Variants in C1orf105 observed in about 807,000 individuals in gnomAD.
C1orf105 encodes the protein uncharacterized protein C1orf105.
C1orf105 carries 17 observed loss-of-function variants against 20.8 expected under a neutral mutation model. The ratio of observed to expected loss-of-function variants is 0.82; its 90% CI spans 0.56 to 1.23. The LOEUF (loss-of-function observed/expected upper bound fraction) is 1.23. Among genes scored for constraint, C1orf105 ranks in the 50% most tolerant of loss-of-function variants. C1orf105 has a pLI of 0.00. For synonymous variants in C1orf105, 72 were observed against 72.1 expected (o/e 1.00, Z 0.01); for missense variants, 219 against 213.5 (o/e 1.03, Z -0.16).
intron 1 of C1orf105, among the ~76,000 whole-genome samples, chr1:172,444,573 A>C (rs1647758386): frequency 6.6e-6 from 1 of 152,190 alleles, no homozygotes; most frequent in Non-Finnish European, 1.5e-5. Flanking sequence ...AAGAGGACAA[A>C]TCTAAGGCTC....
chr1:172,429,880 TTTAATCC>T (rs2071823155), intron 1 of C1orf105, among the ~76,000 whole-genome samples: 1 of 152,196 alleles, frequency 6.6e-6, no homozygotes, highest in Admixed American at 6.5e-5. Flanking sequence ...CCATACCAAC[TTTAATCC>T]TTAATCCTTG....
intron 1 of C1orf105, among the ~76,000 whole-genome samples, chr1:172,432,970 T>C (rs1216795058): frequency 2.6e-5 from 4 of 152,194 alleles, no homozygotes; most frequent in African/African-American, 9.7e-5. Flanking sequence ...ATGTGATGCA[T>C]ACACAAGCTT....
intron 1 of C1orf105, among the ~76,000 whole-genome samples, chr1:172,422,079 C>A (rs1158867916): frequency 6.6e-6 from 1 of 152,028 alleles, no homozygotes; most frequent in African/African-American, 2.4e-5. Flanking sequence ...AATACCCAGG[C>A]AAGTCCTAGT....
chr1:172,440,546 T>C (rs1270458339), intron 1 of C1orf105, among the ~76,000 whole-genome samples: 1 of 152,200 alleles, frequency 6.6e-6, no homozygotes, highest in Non-Finnish European at 1.5e-5. Flanking sequence ...ATTTCCGCCT[T>C]AGACAAACTG....
At chr1:172,442,030 T>A in intron 1 of C1orf105, 1 of 1,614,212 alleles carries the variant, frequency 6.2e-7, no homozygotes, top group Non-Finnish European at 8.5e-7. Flanking sequence ...GATGAAGGCA[T>A]GCAGGGACCG....
At chr1:172,465,540 C>A in intron 6 of C1orf105, 177 bp downstream of exon 6, 1 of 684,536 alleles carries the variant, frequency 1.5e-6, no homozygotes, top group Non-Finnish European at 2.7e-6. Context: ...GCCCTTCTTT[C>A]ACTCCAGCAC....
chr1:172,465,508 G>C, intron 6 of C1orf105, 145 bp downstream of exon 6: 1 of 729,080 alleles, frequency 1.4e-6, no homozygotes, highest in East Asian at 2.7e-5. Flanking sequence ...ATTGTCTTTT[G>C]ACCTGCTGGA....
At chr1:172,440,166 T>A (rs904228417) in intron 1 of C1orf105, among the ~76,000 whole-genome samples, 1 of 152,240 alleles carries the variant, frequency 6.6e-6, no homozygotes, top group Admixed American at 6.5e-5. Context: ...CATTATATTT[T>A]GGAATATGAC....
At chr1:172,451,331 A>G (rs2149180043) in intron 3 of C1orf105, among the ~76,000 whole-genome samples, 2 of 152,286 alleles carry the variant, frequency 1.3e-5, no homozygotes, top group South Asian at 2.1e-4. Flanking sequence ...AGATAAGAAC[A>G]CTATTTATTT....
Position 172,456,419 on chromosome 1 carries a change from G to A in C1orf105, c.203G>A (p.Arg68Lys). The stretch of plus-strand genomic sequence containing the variant: ...TCTGTCTCTCTTTCCCCTCAGGCCA[G>A]GAGGAACCAGTGTGACTCCATGCTG... ...FQVPDVLSKARRNQCDSMLLR... is the reference protein window; with the variant it reads ...FQVPDVLSKAKRNQCDSMLLR... The change falls in exon 4 of 7, where the codon AGG (arginine) becomes AAG (lysine). Residue 68 changes from arginine (R) to lysine (K), a missense_variant. Coordinates refer to ENST00000367727, the MANE Select transcript of C1orf105 (RefSeq NM_139240.4). 3.1e-6 allele frequency: 5 copies of A among 1,612,890 alleles called. No homozygotes were observed. Among genetic ancestry groups the A allele is most frequent in the Non-Finnish European group, 4.2e-6 (5 of 1,179,918 alleles).
intron 3 of C1orf105, chr1:172,453,014 A>G (rs914049383): frequency 2.9e-5 from 45 of 1,550,234 alleles, no homozygotes; most frequent in Middle Eastern, 1.7e-4. Flanking sequence ...GAAAGAAAGC[A>G]AGACAGAATG....
chr1:172,437,724 A>G lies in C1orf105; in HGVS notation c.22-7349A>G, dbSNP rs1050758626. Reference sequence around the variant, plus strand: ...ATTGTGCACATGTACCCTAGAACTTAAAGTATAATAATAATAATAATAATA... The same window carrying G: ...ATTGTGCACATGTACCCTAGAACTTGAAGTATAATAATAATAATAATAATA... On this transcript the variant is annotated intron_variant, in intron 1 of 6. Coordinates refer to ENST00000367727, the MANE Select transcript of C1orf105 (RefSeq NM_139240.4). Among the ~76,000 whole-genome samples the G allele has an allele frequency of 3.9e-4, 42 of 108,246 alleles. No individual in the cohort carries two copies. In the East Asian group the frequency reaches 0.011, roughly 29 times the overall value. The allele number at this position is 108,246 out of a possible 152,430, so 71.0% of individuals were successfully genotyped here.
At chr1:172,421,573 G>T (rs943939266) in intron 1 of C1orf105, among the ~76,000 whole-genome samples, 2 of 152,116 alleles carry the variant, frequency 1.3e-5, no homozygotes, top group South Asian at 2.1e-4. Flanking sequence ...ATCCTAAGTT[G>T]GGGAGGACGC....
In C1orf105 at chr1:172,468,785, T is replaced by G. The variant is rs1318745974; in HGVS notation, c.*191T>G. On this transcript the variant is annotated 3_prime_UTR_variant, in exon 7 of 7. Transcript: ENST00000367727. The stretch of plus-strand genomic sequence containing the variant: ...TTTCTCACGTCTCCTAAAGACAAAA[T>G]TGTTTAATTTACATGATTATAAAGA... 4 of 480,422 alleles carry G rather than the reference T, an allele frequency of 8.3e-6. No individual in the cohort carries two copies. Among genetic ancestry groups the G allele is most frequent in the Non-Finnish European group, 1.5e-5 (4 of 274,758 alleles). 29.8% of individuals were successfully genotyped at this position (480,422 alleles called of 1,614,324 possible). A position where few individuals can be genotyped will look rare whatever the true frequency, so the allele number is the denominator to read the frequency against.
At chr1:172,464,856 C>T (rs113521576) in intron 5 of C1orf105, among the ~76,000 whole-genome samples, 6 of 152,096 alleles carry the variant, frequency 3.9e-5, no homozygotes, top group African/African-American at 1.4e-4. Context: ...TCAGGTTAAC[C>T]GGTAGTAGAT....
At chr1:172,441,594 T>G in intron 1 of C1orf105, 1 of 714,284 alleles carries the variant, frequency 1.4e-6, no homozygotes. Flanking sequence ...CTTTGGTTCA[T>G]TTTTTTTGGT....
At chr1:172,434,434 T>G (rs1464894652) in intron 1 of C1orf105, among the ~76,000 whole-genome samples, 1 of 152,164 alleles carries the variant, frequency 6.6e-6, no homozygotes, top group Non-Finnish European at 1.5e-5. Flanking sequence ...AAATTAGAAC[T>G]CAGGATTAAG....
intron 1 of C1orf105, among the ~76,000 whole-genome samples, chr1:172,421,305 A>G (rs1477657560): frequency 6.6e-6 from 1 of 152,198 alleles, no homozygotes; most frequent in Non-Finnish European, 1.5e-5. Context: ...AGTCACAGGA[A>G]GTTAAGATTG....
At chr1:172,425,446 C>T (rs980186149) in intron 1 of C1orf105, among the ~76,000 whole-genome samples, 5 of 151,918 alleles carry the variant, frequency 3.3e-5, no homozygotes, top group Admixed American at 1.3e-4. Context: ...CTGTGAGTTA[C>T]GAAAGGAAAA....
Sources: allele counts gnomAD v4.1 joint callset (sites outside exome capture counted in the v4.1 genomes callset), GRCh38; gene constraint gnomAD v4.1.1; transcripts MANE v1.5; gene names NCBI Gene and HGNC (gene_info 2026-07-23, HGNC 2026-07-21).